CAMK1G: variants seen among roughly 807,000 people sequenced by gnomAD.
CAMK1G encodes calcium/calmodulin dependent protein kinase IG.
In CAMK1G, 27 loss-of-function variants were observed where a neutral mutation model predicts 54.8. The ratio of observed to expected loss-of-function variants is 0.49; its 90% CI spans 0.36 to 0.68. The LOEUF (loss-of-function observed/expected upper bound fraction) is 0.68. Ranked by LOEUF, CAMK1G falls within the 30% of genes least tolerant of loss-of-function variation. The pLI is 0.00. For missense variants in CAMK1G, 512 were observed against 591.0 expected (o/e 0.87, Z 1.39); for synonymous variants, 238 against 224.9 (o/e 1.06, Z -0.52).
chr1:209,587,927 C>T lies in CAMK1G; in HGVS notation c.-30+4155C>T, dbSNP rs575500431. On this transcript the variant is annotated intron_variant, in intron 1 of 12. Transcript: ENST00000361322. ...GAGCACATTCTTATTAGAGATGATC[C>T]AACTGATAACCTCCCTCCCAAGGCC... 6.6e-5 allele frequency among the ~76,000 whole-genome samples: 10 copies of T among 152,308 alleles called. No individual in the cohort carries two copies. The South Asian group carries it at 2.1e-3, about 32-fold the overall frequency.
intron 2 of CAMK1G, among the ~76,000 whole-genome samples, chr1:209,596,774 C>T (rs1665401383): frequency 6.6e-6 from 1 of 151,866 alleles, no homozygotes; most frequent in South Asian, 2.1e-4. Flanking sequence ...CTTCTGTTTA[C>T]ATCTCCTAAA....
chr1:209,607,849 C>T lies in CAMK1G; in HGVS notation c.560-9C>T, dbSNP rs1175286718. 1.2e-6 allele frequency: 2 copies of T among 1,611,068 alleles called. No individual in the cohort carries two copies. Among genetic ancestry groups the T allele is most frequent in the Admixed American group, 1.7e-5 (1 of 59,602 alleles). On this transcript the variant is annotated splice_polypyrimidine_tract_variant and intron_variant, in intron 6 of 12. Coordinates refer to ENST00000361322, the MANE Select transcript of CAMK1G (RefSeq NM_020439.3). ...CACCAGCCCTGACTCTGCCCTTGGT[C>T]TGCTGCAGCTCCAGAAGTGCTGGCC...
rs368376971 is a variant in CAMK1G at position 209,592,670 on chromosome 1, G to C, written c.-29-2285G>C. 4.6e-5 allele frequency among the ~76,000 whole-genome samples: 7 copies of C among 152,340 alleles called. No individual in the cohort carries two copies. The South Asian group carries it at 1.2e-3, about 27-fold the overall frequency. On this transcript the variant is annotated intron_variant, in intron 1 of 12. Coordinates refer to ENST00000361322, the MANE Select transcript of CAMK1G (RefSeq NM_020439.3). ...CCTGACCAGATGCTCTACTCCAAGA[G>C]AGCGAAAGCAAAGATCTGTGCTTTG...
intron 1 of CAMK1G, among the ~76,000 whole-genome samples, chr1:209,592,044 A>G (rs1161071115): frequency 6.6e-6 from 1 of 152,142 alleles, no homozygotes; most frequent in African/African-American, 2.4e-5. Context: ...GCCACTGTCC[A>G]TGGTGTAAAT....
intron 2 of CAMK1G, among the ~76,000 whole-genome samples, chr1:209,596,894 C>A (rs1166048282): frequency 6.6e-6 from 1 of 152,088 alleles, no homozygotes; most frequent in African/African-American, 2.4e-5. Flanking sequence ...TGGTCTCAGA[C>A]CCACTAAACT....
rs1342674470 is a variant in CAMK1G at position 209,605,461 on chromosome 1, G to C, written c.297-75G>C. ...TTCCACTGCAGCTGTGTCCCCCAAG[G>C]CTTCAAAGCAAACACCTTCTCATTA... On this transcript the variant is annotated intron_variant, in intron 4 of 12. Coordinates refer to ENST00000361322, the MANE Select transcript of CAMK1G (RefSeq NM_020439.3). 15 of 1,546,790 alleles carry C rather than the reference G, an allele frequency of 9.7e-6. 1 individual carries two copies. The South Asian group carries it at 1.6e-4, about 16-fold the overall frequency.
At chr1:209,612,666 C>A in intron 11 of CAMK1G, 119 bp from the exon 12 acceptor site, 2 of 766,282 alleles carry the variant, frequency 2.6e-6, no homozygotes, top group South Asian at 1.6e-5. Flanking sequence ...ACTTTCTGAA[C>A]CTCATGAGGG....
intron 1 of CAMK1G, among the ~76,000 whole-genome samples, chr1:209,585,876 A>G (rs929612464): frequency 2.0e-5 from 3 of 152,246 alleles, no homozygotes; most frequent in Admixed American, 1.3e-4. Flanking sequence ...CTGAGTCTGC[A>G]AACAGGCTGC....
At chr1:209,610,900 T>A (rs1380962288) in intron 9 of CAMK1G, among the ~76,000 whole-genome samples, 1 of 152,088 alleles carries the variant, frequency 6.6e-6, no homozygotes, top group Non-Finnish European at 1.5e-5. Context: ...GACCAGTGAA[T>A]AAGAGGCTAA....
intron 1 of CAMK1G, among the ~76,000 whole-genome samples, chr1:209,592,421 G>A (rs1176107874): frequency 1.3e-5 from 2 of 151,716 alleles, no homozygotes; most frequent in Non-Finnish European, 2.9e-5. Context: ...CCAGAGAGGT[G>A]CACAGCTGAC....
chr1:209,612,876 T>C lies in CAMK1G; in HGVS notation c.*1T>C. ...GACTGGAGTCTGTCTCATTATGTGA[T>C]TCCTGGAGCCTGTGCCTATGTCACT... is the stretch of plus-strand genomic sequence containing the variant. On this transcript the variant is annotated 3_prime_UTR_variant, in exon 12 of 13. Coordinates refer to ENST00000361322, the MANE Select transcript of CAMK1G (RefSeq NM_020439.3). 1 of 1,602,024 alleles carries C rather than the reference T, an allele frequency of 6.2e-7. No individual in the cohort carries two copies. The highest frequency in any genetic ancestry group is 8.6e-7 in the Non-Finnish European group (1 of 1,169,354).
chr1:209,586,370 C>T (rs1571768832), intron 1 of CAMK1G, among the ~76,000 whole-genome samples: 2 of 152,182 alleles, frequency 1.3e-5, no homozygotes, highest in South Asian at 2.1e-4. Flanking sequence ...GCAACAGTTC[C>T]CTGTTTTCTT....
chr1:209,585,747 T>A (rs942887893), intron 1 of CAMK1G, among the ~76,000 whole-genome samples: 1 of 152,188 alleles, frequency 6.6e-6, no homozygotes, highest in African/African-American at 2.4e-5. Flanking sequence ...CTCTCCCCCA[T>A]ACACACGCAC....
At chr1:209,596,215 G>A (rs1172605814) in intron 2 of CAMK1G, among the ~76,000 whole-genome samples, 13 of 152,224 alleles carry the variant, frequency 8.5e-5, no homozygotes, top group South Asian at 4.1e-4. Context: ...GGATCCCAGC[G>A]GGGTGCTGGT....
At chr1:209,586,271 C>T (rs17014836) in intron 1 of CAMK1G, among the ~76,000 whole-genome samples, 28,645 of 151,100 alleles carry the variant, frequency 0.19, 2,918 homozygotes, top group African/African-American at 0.21. Context: ...TCAGCGTTAA[C>T]CTTGAAAACT....
chr1:209,609,126 G>T (rs748577038), intron 8 of CAMK1G, 34 bp downstream of exon 8: 7 of 1,613,486 alleles, frequency 4.3e-6, no homozygotes, highest in Non-Finnish European at 5.1e-6. Flanking sequence ...GAGATAACAG[G>T]CTCAAGGTAG....
intron 3 of CAMK1G, among the ~76,000 whole-genome samples, chr1:209,602,602 A>G (rs1480594727): frequency 6.6e-6 from 1 of 152,204 alleles, no homozygotes; most frequent in African/African-American, 2.4e-5. Context: ...CTCATGTGAC[A>G]GGTCACAGTC....
chr1:209,604,595 A>G (rs2102391443), intron 4 of CAMK1G, among the ~76,000 whole-genome samples: 1 of 152,362 alleles, frequency 6.6e-6, no homozygotes, highest in Admixed American at 6.5e-5. Flanking sequence ...GGATGGCCAC[A>G]TCTAATGTCA....
chr1:209,587,637 C>T (rs774350471), intron 1 of CAMK1G, among the ~76,000 whole-genome samples: 3 of 152,030 alleles, frequency 2.0e-5, no homozygotes, highest in Non-Finnish European at 2.9e-5. Flanking sequence ...CTCCTCTGTT[C>T]ACCAGAGAGG....
Sources: gnomAD v4.1 joint callset for allele counts (sites outside exome capture counted in the v4.1 genomes callset) on GRCh38, gnomAD v4.1.1 for gene constraint, MANE v1.5 for transcripts, NCBI Gene and HGNC (gene_info 2026-07-23, HGNC 2026-07-21) for gene names.